The following FHIT variants were observed in gnomAD, a reference collection of about 807,000 sequenced individuals.
FHIT encodes fragile histidine triad diadenosine triphosphatase, also known as bis(5'-adenosyl)-triphosphatase.
A neutral mutation model predicts 17.9 loss-of-function variants in FHIT; 19 were observed. The ratio of observed to expected loss-of-function variants is 1.06; its 90% CI spans 0.74 to 1.56. The LOEUF is 1.56. Among genes scored for constraint, FHIT ranks in the 40% most tolerant of loss-of-function variants. The pLI is 0.00. For synonymous variants in FHIT, 81 were observed against 69.7 expected, an observed-to-expected ratio of 1.16 and a Z score of -0.81; for missense variants, 248 against 189.2, an observed-to-expected ratio of 1.31 and a Z score of -1.82.
chr3:60,690,628 T>A, intron 4 of FHIT: 1 of 525,068 alleles, frequency 1.9e-6, no homozygotes, highest in Non-Finnish European at 3.9e-6. Flanking sequence ...TTCTGCTGTC[T>A]TTGGAAGCTT....
chr3:61,036,829 T>C (rs189911986), intron 3 of FHIT, among the ~76,000 whole-genome samples: 34 of 151,802 alleles, frequency 2.2e-4, no homozygotes, highest in African/African-American at 5.8e-4. Context: ...TACCCGAGAG[T>C]TCTGGGCTTT....
chr3:60,925,976 T>C (rs1707583229), intron 3 of FHIT, among the ~76,000 whole-genome samples: 1 of 152,148 alleles, frequency 6.6e-6, no homozygotes, highest in South Asian at 2.1e-4. Context: ...TACATAATGG[T>C]AAAGGGATCA....
intron 5 of FHIT, among the ~76,000 whole-genome samples, chr3:60,432,213 C>T (rs150562719): frequency 1.2e-3 from 190 of 152,108 alleles, no homozygotes; most frequent in Admixed American, 2.1e-3. Context: ...TGAGCTCAAG[C>T]GATGCACCTG....
intron 5 of FHIT, among the ~76,000 whole-genome samples, chr3:60,305,936 C>G (rs1457000192): frequency 6.6e-6 from 1 of 152,104 alleles, no homozygotes; most frequent in Non-Finnish European, 1.5e-5. Context: ...GAGACTGCAT[C>G]ACTTACATTC....
In FHIT at chr3:60,119,028, A is replaced by G. The variant is rs1054127805; in HGVS notation, c.104-104876T>C. Reference sequence around the variant, plus strand: ...AGAGGAAGGCTCCATCTCAAAAACAAAAACAAAAAAAACNTCAGGGTCATT... The same window carrying G: ...AGAGGAAGGCTCCATCTCAAAAACAGAAACAAAAAAAACNTCAGGGTCATT... On this transcript the variant is annotated intron_variant, in intron 5 of 9. Transcript: ENST00000492590. 2.9e-5 allele frequency among the ~76,000 whole-genome samples: 4 copies of G among 136,202 alleles called. No individual in the cohort carries two copies. In the East Asian group the frequency reaches 6.2e-4, roughly 21 times the overall value. The allele number at this position is 136,202 out of a possible 152,430, so 89.4% of individuals were successfully genotyped here. A position where few individuals can be genotyped will look rare whatever the true frequency, so the allele number is the denominator to read the frequency against.
intron 3 of FHIT, among the ~76,000 whole-genome samples, chr3:60,901,761 G>A (rs1352319446): frequency 1.3e-5 from 2 of 152,070 alleles, no homozygotes; most frequent in South Asian, 4.1e-4. Flanking sequence ...TTCAGCATGT[G>A]TACTAGGATG....
At chr3:60,377,720 A>G (rs934591663) in intron 5 of FHIT, among the ~76,000 whole-genome samples, 1 of 151,004 alleles carries the variant, frequency 6.6e-6, no homozygotes, top group Admixed American at 6.6e-5. Context: ...TGACCTCGTG[A>G]TCCACCCGCC....
intron 7 of FHIT, among the ~76,000 whole-genome samples, chr3:59,954,205 G>C (rs934165326): frequency 1.4e-5 from 2 of 138,124 alleles, no homozygotes; most frequent in African/African-American, 5.6e-5. Context: ...GCATTTTTCA[G>C]AAGTTATTTT....
intron 5 of FHIT, among the ~76,000 whole-genome samples, chr3:60,431,967 A>G (rs1166235929): frequency 6.6e-6 from 1 of 151,632 alleles, no homozygotes; most frequent in Non-Finnish European, 1.5e-5. Context: ...TAGGGCTTTT[A>G]TTTTTGTTTG....
intron 2 of FHIT, among the ~76,000 whole-genome samples, chr3:61,049,388 A>G (rs2033940621): frequency 6.6e-6 from 1 of 152,032 alleles, no homozygotes; most frequent in African/African-American, 2.4e-5. Context: ...GAATAAATGC[A>G]GGAGAAATGA....
chr3:59,788,530 G>C (rs987321741), intron 8 of FHIT, among the ~76,000 whole-genome samples: 1 of 152,134 alleles, frequency 6.6e-6, no homozygotes, highest in Non-Finnish European at 1.5e-5. Context: ...GGGCCAGGCA[G>C]GTTTCCCTAA....
At chr3:60,490,992 A>G (rs1477585289) in intron 5 of FHIT, among the ~76,000 whole-genome samples, 2 of 152,238 alleles carry the variant, frequency 1.3e-5, no homozygotes, top group South Asian at 2.1e-4. Context: ...AAATAAAAGT[A>G]TGATATGCTG....
intron 5 of FHIT, among the ~76,000 whole-genome samples, chr3:60,177,583 A>G (rs764044947): frequency 6.6e-6 from 1 of 152,210 alleles, no homozygotes; most frequent in Non-Finnish European, 1.5e-5. Context: ...GTAATACACC[A>G]TGGAGAAAGG....
At chr3:60,160,733 T>C (rs1158766263) in intron 5 of FHIT, among the ~76,000 whole-genome samples, 1 of 152,138 alleles carries the variant, frequency 6.6e-6, no homozygotes, top group African/African-American at 2.4e-5. Context: ...AATGACAACA[T>C]ATGACACCCA....
intron 5 of FHIT, among the ~76,000 whole-genome samples, chr3:60,292,565 T>C (rs7651340): frequency 0.59 from 88,995 of 152,036 alleles, 27,493 homozygotes; most frequent in East Asian, 0.95. Context: ...GATAAGAGCA[T>C]ATAATACTCA....
At chr3:60,760,304 G>A (rs1246886114) in intron 4 of FHIT, among the ~76,000 whole-genome samples, 2 of 152,200 alleles carry the variant, frequency 1.3e-5, no homozygotes, top group Admixed American at 6.5e-5. Flanking sequence ...AGAGCACATG[G>A]TCTAGGAGCA....
intron 7 of FHIT, among the ~76,000 whole-genome samples, chr3:59,954,532 C>T (rs763721500): frequency 2.6e-5 from 4 of 152,144 alleles, no homozygotes; most frequent in Non-Finnish European, 5.9e-5. Flanking sequence ...GGAGACTCCT[C>T]TCCTGGGAAA....
intron 8 of FHIT, among the ~76,000 whole-genome samples, chr3:59,822,395 C>T (rs1381702461): frequency 2.0e-5 from 3 of 152,152 alleles, no homozygotes; most frequent in Non-Finnish European, 2.9e-5. Context: ...AGTGGTTATA[C>T]TAGTTTCCAT....
At chr3:61,018,649 T>A (rs977252134) in intron 3 of FHIT, among the ~76,000 whole-genome samples, 1 of 152,206 alleles carries the variant, frequency 6.6e-6, no homozygotes, top group African/African-American at 2.4e-5. Flanking sequence ...GCTACTGAGA[T>A]AAAATGGAAT....
Sources: gnomAD v4.1 joint callset for allele counts (sites outside exome capture counted in the v4.1 genomes callset) on GRCh38, gnomAD v4.1.1 for gene constraint, MANE v1.5 for transcripts, NCBI Gene and HGNC (gene_info 2026-07-23, HGNC 2026-07-21) for gene names.